Variants in CNTN4 observed in about 807,000 individuals in gnomAD.
CNTN4 encodes the protein contactin-4.
In CNTN4, 77 loss-of-function variants were observed where a neutral mutation model predicts 122.5. The observed-to-expected ratio is 0.63, with a 90% confidence interval of 0.52 to 0.76. CNTN4 has a LOEUF of 0.76. Ranked by LOEUF, CNTN4 falls within the 30% of genes least tolerant of loss-of-function variation. The pLI is 0.00. For synonymous variants in CNTN4, 512 were observed against 447.0 expected, an observed-to-expected ratio of 1.15 and a Z score of -1.83; for missense variants, 1,256 against 1,259.1, an observed-to-expected ratio of 1.00 and a Z score of 0.04.
In CNTN4 at chr3:2,705,903, A is replaced by G. The variant is rs1411793854; in HGVS notation, c.56-30312A>G. On this transcript the variant is annotated intron_variant, in intron 4 of 24. Transcript: ENST00000418658. The stretch of plus-strand genomic sequence containing the variant: ...TTTTTATATAATATATAAAATATAT[A>G]TTATATATAAAATATATGTAATATA... Among the ~76,000 whole-genome samples the G allele has an allele frequency of 1.4e-4, 9 of 63,270 alleles. No homozygotes were observed. The South Asian group carries it at 2.0e-3, about 14-fold the overall frequency. 41.5% of individuals were successfully genotyped at this position (63,270 alleles called of 152,430 possible). A position where few individuals can be genotyped will look rare whatever the true frequency, so the allele number is the denominator to read the frequency against.
intron 2 of CNTN4, among the ~76,000 whole-genome samples, chr3:2,235,767 T>A (rs147149552): frequency 1.3e-5 from 2 of 152,330 alleles, no homozygotes; most frequent in African/African-American, 4.8e-5. Context: ...ATTTCTTTAC[T>A]ATCATTTATT....
chr3:2,357,954 C>G (rs1182814587), intron 3 of CNTN4, among the ~76,000 whole-genome samples: 1 of 152,148 alleles, frequency 6.6e-6, no homozygotes, highest in East Asian at 1.9e-4. Flanking sequence ...ATAACTCCAG[C>G]TACTGTCTTT....
At chr3:2,239,179 A>C (rs944069691) in intron 2 of CNTN4, 1 of 152,164 alleles carries the variant, frequency 6.6e-6, no homozygotes, top group Non-Finnish European at 1.5e-5. Context: ...TGATTCTTTT[A>C]GCAATTTATA....
At chr3:2,594,426 T>C (rs2080660764) in intron 4 of CNTN4, among the ~76,000 whole-genome samples, 1 of 150,486 alleles carries the variant, frequency 6.6e-6, no homozygotes, top group Non-Finnish European at 1.5e-5. Flanking sequence ...CTTTTTTTTT[T>C]TTTTTTTTTT....
chr3:2,285,281 G>T (rs2041862598), intron 2 of CNTN4, among the ~76,000 whole-genome samples: 2 of 151,946 alleles, frequency 1.3e-5, no homozygotes, highest in African/African-American at 4.8e-5. Context: ...ATTTGAATAG[G>T]ATTTAATTTG....
intron 2 of CNTN4, among the ~76,000 whole-genome samples, chr3:2,232,279 A>G (rs1216251441): frequency 6.6e-6 from 1 of 152,136 alleles, no homozygotes; most frequent in Non-Finnish European, 1.5e-5. Flanking sequence ...CCAATTTTAC[A>G]GGGTTTACAG....
intron 3 of CNTN4, among the ~76,000 whole-genome samples, chr3:2,547,318 C>A (rs1330142038): frequency 6.6e-6 from 1 of 151,806 alleles, no homozygotes; most frequent in African/African-American, 2.4e-5. Context: ...GGCTGGAGTG[C>A]AATGGCACGA....
intron 2 of CNTN4, among the ~76,000 whole-genome samples, chr3:2,270,741 G>A (rs1294424719): frequency 8.1e-6 from 1 of 123,292 alleles, no homozygotes; most frequent in Non-Finnish European, 2.0e-5. Flanking sequence ...TGGAGCTCAG[G>A]AGGACCCAGA....
intron 4 of CNTN4, among the ~76,000 whole-genome samples, chr3:2,591,070 A>G (rs1206651264): frequency 6.6e-6 from 1 of 152,112 alleles, no homozygotes; most frequent in East Asian, 1.9e-4. Flanking sequence ...GACCATCACA[A>G]TATTTCTTAC....
chr3:2,959,639 A>G (rs1047206554), intron 13 of CNTN4, among the ~76,000 whole-genome samples: 1 of 151,642 alleles, frequency 6.6e-6, no homozygotes, highest in Non-Finnish European at 1.5e-5. Context: ...CTGTTTTTTT[A>G]TTTTTAGAAT....
At chr3:2,199,768 A>G (rs183538591) in intron 2 of CNTN4, among the ~76,000 whole-genome samples, 2 of 152,328 alleles carry the variant, frequency 1.3e-5, no homozygotes, top group Admixed American at 1.3e-4. Context: ...CATGGTATGC[A>G]GAGAATTAAA....
At chr3:2,656,187 G>A (rs1289365409) in intron 4 of CNTN4, among the ~76,000 whole-genome samples, 1 of 152,186 alleles carries the variant, frequency 6.6e-6, no homozygotes, top group Non-Finnish European at 1.5e-5. Context: ...AGGAAGGACA[G>A]ATGTAATCTC....
intron 2 of CNTN4, among the ~76,000 whole-genome samples, chr3:2,209,587 A>T (rs1368735097): frequency 6.6e-6 from 1 of 152,094 alleles, no homozygotes; most frequent in Non-Finnish European, 1.5e-5. Flanking sequence ...GTAGTTTGCC[A>T]CTTACTATGA....
chr3:2,780,057 G>A (rs1387175570), intron 6 of CNTN4, among the ~76,000 whole-genome samples: 1 of 152,174 alleles, frequency 6.6e-6, no homozygotes, highest in Admixed American at 6.5e-5. Flanking sequence ...TCCCACAGCT[G>A]TAATGGGCAA....
chr3:2,657,466 A>G (rs1285858785), intron 4 of CNTN4, among the ~76,000 whole-genome samples: 1 of 152,222 alleles, frequency 6.6e-6, no homozygotes, highest in Non-Finnish European at 1.5e-5. Flanking sequence ...CTGTCAGGGT[A>G]CATTGAATTT....
chr3:2,657,618 G>C (rs570521899), intron 4 of CNTN4, among the ~76,000 whole-genome samples: 1 of 152,132 alleles, frequency 6.6e-6, no homozygotes, highest in Non-Finnish European at 1.5e-5. Flanking sequence ...GTAAACCTAC[G>C]TATTTAGCTA....
At chr3:2,734,290 G>A (rs1433014701) in intron 4 of CNTN4, among the ~76,000 whole-genome samples, 2 of 151,876 alleles carry the variant, frequency 1.3e-5, no homozygotes, top group Non-Finnish European at 2.9e-5. Context: ...TGAACCCCTG[G>A]GCTCAAGCAA....
intron 6 of CNTN4, among the ~76,000 whole-genome samples, chr3:2,761,849 C>T (rs1161614563): frequency 6.6e-6 from 1 of 152,116 alleles, no homozygotes; most frequent in East Asian, 1.9e-4. Context: ...ATTACTGATG[C>T]TGTCAAGAAC....
intron 3 of CNTN4, among the ~76,000 whole-genome samples, chr3:2,488,100 C>A (rs2076213161): frequency 6.6e-6 from 1 of 152,176 alleles, no homozygotes; most frequent in South Asian, 2.1e-4. Context: ...ACATTTACTT[C>A]CTTGGGCATT....
Sources: gnomAD v4.1 joint callset for allele counts (sites outside exome capture counted in the v4.1 genomes callset) on GRCh38, gnomAD v4.1.1 for gene constraint, MANE v1.5 for transcripts, NCBI Gene and HGNC (gene_info 2026-07-23, HGNC 2026-07-21) for gene names.